Variants in SOX18 observed in about 807,000 individuals in gnomAD.
SOX18 encodes the protein transcription factor SOX-18.
A neutral mutation model predicts 9.1 loss-of-function variants in SOX18; 2 were observed. The observed-to-expected ratio is 0.22, with a 90% CI of 0.09 to 0.69. The LOEUF (loss-of-function observed/expected upper bound fraction) is 0.69, where lower values mean the gene tolerates loss of function less well. SOX18 is among the 30% of genes least tolerant of loss of function. The pLI, the probability that SOX18 is intolerant of heterozygous loss-of-function variation, is 0.80. For missense variants in SOX18, 542 were observed against 567.3 expected (o/e 0.96, Z 0.45); for synonymous variants, 292 against 280.5 (o/e 1.04, Z -0.41).
chr20:64,048,104 G>C lies in SOX18; in HGVS notation c.*62C>G, dbSNP rs2059403054. On this transcript the variant is annotated 3_prime_UTR_variant, in exon 2 of 2. Transcript: ENST00000340356. Reference sequence around the variant, plus strand: ...GAGAGAGCAGAGCGGCAGCGACGCGGTCGGATCGGTCGCGGGGGCTGCGGG... The same window carrying C: ...GAGAGAGCAGAGCGGCAGCGACGCGCTCGGATCGGTCGCGGGGGCTGCGGG... 6.9e-7 allele frequency: 1 copy of C among 1,441,942 alleles called. No individual in the cohort carries two copies. The highest frequency in any genetic ancestry group is 2.5e-5 in the East Asian group (1 of 40,422). The allele number at this position is 1,441,942 out of a possible 1,614,324, so 89.3% of individuals were successfully genotyped here.
At position 64,048,127 on chromosome 20, in the gene SOX18, G is replaced by T; in HGVS notation, c.*39C>A. 2 of 1,518,428 alleles carry T rather than the reference G, an allele frequency of 1.3e-6. No individual in the cohort carries two copies. Among genetic ancestry groups the T allele is most frequent in the Non-Finnish European group, 1.8e-6 (2 of 1,131,960 alleles). 94.1% of individuals were successfully genotyped at this position (1,518,428 alleles called of 1,614,324 possible). A position where few individuals can be genotyped will look rare whatever the true frequency, so the allele number is the denominator to read the frequency against. On this transcript the variant is annotated 3_prime_UTR_variant, in exon 2 of 2. Coordinates refer to ENST00000340356, the MANE Select transcript of SOX18 (RefSeq NM_018419.3). ...CGGTCGGATCGGTCGCGGGGGCTGCGGGAGGAAGCGCTGCAGGGACCCGGG... is the reference window on the plus strand; with the variant it reads ...CGGTCGGATCGGTCGCGGGGGCTGCTGGAGGAAGCGCTGCAGGGACCCGGG...
chr20:64,048,919 G>A lies in SOX18; in HGVS notation c.402C>T (p.Phe134=), dbSNP rs574293363. The change falls in exon 2 of 2, where the codon TTC becomes TTT. Residue 134 remains phenylalanine (F), a synonymous_variant. Coordinates refer to ENST00000340356, the MANE Select transcript of SOX18 (RefSeq NM_018419.3). ...KELNAAEKRP[F]VEEAERLRVQ... ...CGCGCAGCCGTTCGGCTTCCTCCAC[G>A]AAGGGCCGCTTCTCCGCCGCGTTCA... The A allele has an allele frequency of 1.1e-4, 174 of 1,597,002 alleles. No individual in the cohort carries two copies. The East Asian group carries it at 3.5e-3, about 32-fold the overall frequency.
Position 64,048,209 on chromosome 20 carries a change from T to C in SOX18, c.1112A>G (p.Asp371Gly). Residue 371 changes from aspartate (D) to glycine (G), a missense_variant, in exon 2 of 2, where the codon GAC (aspartate) becomes GGC (glycine). Physicochemically the swap from Asp to Gly is moderately conservative, Grantham distance 94 (BLOSUM62 -1). Coordinates refer to ENST00000340356, the MANE Select transcript of SOX18 (RefSeq NM_018419.3). ...GCTGTAATAGACCGCGCTGCTGGCG[T>C]CCGACAGCGCGGAGATCAGGCTGCT... ...EESSLISALSDASSAVYYSAC... is the reference protein window; with the variant it reads ...EESSLISALSGASSAVYYSAC... The C allele has an allele frequency of 6.3e-7, 1 of 1,576,644 alleles. No homozygotes were observed. Among genetic ancestry groups the C allele is most frequent in the Non-Finnish European group, 8.6e-7 (1 of 1,163,648 alleles).
Position 64,048,125 on chromosome 20 carries a change from G to A in SOX18, c.*41C>T, listed in dbSNP as rs1263613409. 2 of 1,516,136 alleles carry A rather than the reference G, an allele frequency of 1.3e-6. No individual in the cohort carries two copies. The highest frequency in any genetic ancestry group is 2.4e-5 in the South Asian group (2 of 83,566). 93.9% of individuals were successfully genotyped at this position (1,516,136 alleles called of 1,614,324 possible). A position where few individuals can be genotyped will look rare whatever the true frequency, so the allele number is the denominator to read the frequency against. On this transcript the variant is annotated 3_prime_UTR_variant, in exon 2 of 2. Transcript: ENST00000340356. ...CGCGGTCGGATCGGTCGCGGGGGCT[G>A]CGGGAGGAAGCGCTGCAGGGACCCG...
chr20:64,049,345 G>C lies in SOX18; in HGVS notation c.172C>G (p.Pro58Ala). The C allele has an allele frequency of 1.7e-6, 2 of 1,192,312 alleles. No individual in the cohort carries two copies. The highest frequency in any genetic ancestry group is 2.1e-6 in the Non-Finnish European group (2 of 952,298). The allele number at this position is 1,192,312 out of a possible 1,614,324, so 73.9% of individuals were successfully genotyped here. A position where few individuals can be genotyped will look rare whatever the true frequency, so the allele number is the denominator to read the frequency against. Residue 58 changes from proline to alanine, a missense_variant, in exon 1 of 2, where the codon CCC becomes GCC. Coordinates refer to ENST00000340356, the MANE Select transcript of SOX18 (RefSeq NM_018419.3). ...PASPPSPQRS[P>A]PRSPEPGRYG... ...CGCCCCGGCTCGGGGCTGCGCGGGG[G>C]ACTGCGCTGCGGGCTGGGCGGCGAG...
At chr20:64,049,112 G>A (rs767976782) in intron 1 of SOX18, 47 bp downstream of exon 1, 1 of 524,668 alleles carries the variant, frequency 1.9e-6, no homozygotes. Context: ...CCCGGCCCGA[G>A]CCCCCCCCGC....
Position 64,048,884 on chromosome 20 carries a change from A to G in SOX18, c.437T>C (p.Leu146Ser). The change falls in exon 2 of 2, where the codon TTG becomes TCG. Residue 146 changes from leucine to serine, a missense_variant. Transcript: ENST00000340356. ...GTACTTGTAGTTGGGGTGGTCGCGC[A>G]AGTGCTGCACGCGCAGCCGTTCGGC... is the stretch of plus-strand genomic sequence containing the variant. The part of the protein sequence containing the change: ...EEAERLRVQH[L>S]RDHPNYKYRP... The G allele has an allele frequency of 6.3e-7, 1 of 1,595,362 alleles. No individual in the cohort carries two copies. Among genetic ancestry groups the G allele is most frequent in the Non-Finnish European group, 8.5e-7 (1 of 1,175,600 alleles).
rs1029951113 is a variant in SOX18, at chr20:64,048,499, G to T, written c.822C>A (p.Pro274=). 2 of 1,229,646 alleles carry T rather than the reference G, an allele frequency of 1.6e-6. No individual in the cohort carries two copies. The highest frequency in any genetic ancestry group is 3.2e-5 in the African/African-American group (2 of 63,116). 76.2% of individuals were successfully genotyped at this position (1,229,646 alleles called of 1,614,324 possible). ...APLAEALRTA[P]PAAPLAGLYY... The stretch of plus-strand genomic sequence containing the variant: ...ACAGGCCAGCGAGCGGCGCCGCGGG[G>T]GGCGCGGTCCTGAGCGCCTCCGCCA... The change falls in exon 2 of 2, where the codon CCC becomes CCA. Residue 274 remains proline, a synonymous_variant. Transcript: ENST00000340356.
In SOX18 at chr20:64,048,848, C is replaced by T. The variant is rs910394260; in HGVS notation, c.473G>A (p.Arg158His). The T allele has an allele frequency of 2.5e-6, 4 of 1,583,114 alleles. No individual in the cohort carries two copies. The highest frequency in any genetic ancestry group is 3.4e-6 in the Non-Finnish European group (4 of 1,170,984). Residue 158 changes from arginine to histidine, a missense_variant, in exon 2 of 2, where the codon CGC (arginine) becomes CAC (histidine). Arg to His is a conservative substitution (Grantham distance 29). Transcript: ENST00000340356. ...CCGGGCCTTGCGCGCCTGCTTCTTG[C>T]GGCGCGGCCGGTACTTGTAGTTGGG... Reference protein sequence around the residue: ...DHPNYKYRPRRKKQARKARRL... With the variant: ...DHPNYKYRPRHKKQARKARRL...
rs965446026 is a variant in SOX18 at position 64,049,426 on chromosome 20, C to T, written c.91G>A (p.Asp31Asn). ...GGGCCGGCGGCGAGGCCGCGCGTGT[C>T]AGCGGCGGCCCCGTGTCCCGGGGCC... ...AWAPGHGAAA[D>N]TRGLAAGPAA... Residue 31 changes from aspartate (D) to asparagine (N), a missense_variant, in exon 1 of 2, where the codon GAC becomes AAC. Asp to Asn is a conservative substitution (Grantham distance 23, BLOSUM62 1). Transcript: ENST00000340356. 1.0e-6 allele frequency: 1 copy of T among 995,708 alleles called. No homozygotes were observed. The highest frequency in any genetic ancestry group is 1.2e-6 in the Non-Finnish European group (1 of 838,570). 61.7% of individuals were successfully genotyped at this position (995,708 alleles called of 1,614,324 possible). A position where few individuals can be genotyped will look rare whatever the true frequency, so the allele number is the denominator to read the frequency against.
Position 64,049,586 on chromosome 20 carries a change from C to G in SOX18, c.-70G>C, listed in dbSNP as rs2059422954. 3 of 973,280 alleles carry G rather than the reference C, an allele frequency of 3.1e-6. No individual in the cohort carries two copies. Among genetic ancestry groups the G allele is most frequent in the South Asian group, 4.6e-5 (1 of 21,596 alleles). The allele number at this position is 973,280 out of a possible 1,614,324, so 60.3% of individuals were successfully genotyped here. ...CGGGCGGGCGGCGGGCACTGGGGAG[C>G]CGGGCGCAAGGGCAGGCCAGGCCGG... is the stretch of plus-strand genomic sequence containing the variant. On this transcript the variant is annotated 5_prime_UTR_variant, in exon 1 of 2. Coordinates refer to ENST00000340356, the MANE Select transcript of SOX18 (RefSeq NM_018419.3).
chr20:64,047,966 G>C lies in SOX18; in HGVS notation c.*200C>G, dbSNP rs1336491168. 1.6e-6 allele frequency: 1 copy of C among 629,510 alleles called. No homozygotes were observed. Among genetic ancestry groups the C allele is most frequent in the Non-Finnish European group, 2.7e-6 (1 of 364,444 alleles). 39.0% of individuals were successfully genotyped at this position (629,510 alleles called of 1,614,324 possible). A position where few individuals can be genotyped will look rare whatever the true frequency, so the allele number is the denominator to read the frequency against. Reference sequence around the variant, plus strand: ...AGGCACCCTCGCAGGGGCCCCCCGAGGGCAGGTGGCCCAGAAGCCCAGGAA... The same window carrying C: ...AGGCACCCTCGCAGGGGCCCCCCGACGGCAGGTGGCCCAGAAGCCCAGGAA... On this transcript the variant is annotated 3_prime_UTR_variant, in exon 2 of 2. Transcript: ENST00000340356.
At position 64,047,807 on chromosome 20, in the gene SOX18, A is replaced by T; in HGVS notation, c.*359T>A. On this transcript the variant is annotated 3_prime_UTR_variant, in exon 2 of 2. Transcript: ENST00000340356. ...TTTTTAAAAGGGCAAAGTAAAAAATATTAATACAATCTGGTTGTAGAAAAT... is the reference window on the plus strand; with the variant it reads ...TTTTTAAAAGGGCAAAGTAAAAAATTTTAATACAATCTGGTTGTAGAAAAT... 3.4e-6 allele frequency: 1 copy of T among 290,524 alleles called. No homozygotes were observed. The allele number at this position is 290,524 out of a possible 1,614,324, so 18.0% of individuals were successfully genotyped here.
chr20:64,049,019 C>T (rs2059414702), intron 1 of SOX18, 57 bp from the exon 2 acceptor site: 2 of 1,501,262 alleles, frequency 1.3e-6, no homozygotes, highest in Non-Finnish European at 1.8e-6. Context: ...GCGCCGAGCC[C>T]TCCGTGCGCC....
In SOX18 at chr20:64,048,314, G is replaced by T; in HGVS notation, c.1007C>A (p.Thr336Asn). The T allele has an allele frequency of 6.3e-7, 1 of 1,592,594 alleles. No individual in the cohort carries two copies. Among genetic ancestry groups the T allele is most frequent in the Non-Finnish European group, 8.5e-7 (1 of 1,171,234 alleles). Residue 336 changes from threonine to asparagine, a missense_variant, in exon 2 of 2, where the codon ACT becomes AAT. Physicochemically the swap from Thr to Asn is moderately conservative, Grantham distance 65. Transcript: ENST00000340356. ...CGGGAGCCCGGGGGCGTCGGGCCGA[G>T]TCCGGCTGCAGTTGAGGTACTGGTC... ...EFDQYLNCSR[T>N]RPDAPGLPYH... is the part of the protein sequence containing the mutation.
Position 64,047,748 on chromosome 20 carries a change from T to C in SOX18, c.*418A>G, listed in dbSNP as rs2059399493. 6.2e-6 allele frequency: 1 copy of C among 162,508 alleles called. No homozygotes were observed. The highest frequency in any genetic ancestry group is 1.3e-5 in the Non-Finnish European group (1 of 75,104). The allele number at this position is 162,508 out of a possible 1,614,324, so 10.1% of individuals were successfully genotyped here. A position where few individuals can be genotyped will look rare whatever the true frequency, so the allele number is the denominator to read the frequency against. On this transcript the variant is annotated 3_prime_UTR_variant, in exon 2 of 2. Coordinates refer to ENST00000340356, the MANE Select transcript of SOX18 (RefSeq NM_018419.3). ...TTCTTGGAAGAAAAGTTTAAGAGTT[T>C]AATTAAAAATTAAATATATTGTATT...
Position 64,048,383 on chromosome 20 carries a change from C to CCCAGCGGCTCGGCGCTCT in SOX18, c.920_937dup (p.Glu307_Leu312dup). On this transcript the variant is annotated inframe_insertion, in exon 2 of 2. Coordinates refer to ENST00000340356, the MANE Select transcript of SOX18 (RefSeq NM_018419.3). ...GTCGGCCCACAGATCGGCGGCGGGC[C>CCCAGCGGCTCGGCGCTCT]CCAGCGGCTCGGCGCTCTCCAGCGG... 2 of 1,559,928 alleles carry CCCAGCGGCTCGGCGCTCT rather than the reference C, an allele frequency of 1.3e-6. No homozygotes were observed. The highest frequency in any genetic ancestry group is 1.7e-6 in the Non-Finnish European group (2 of 1,156,454).
At position 64,049,492 on chromosome 20, in the gene SOX18, C is replaced by G. The variant is rs755570056; in HGVS notation, c.25G>C (p.Gly9Arg). Reference sequence around the variant, plus strand: ...CGGGCGGGCGGGTCGTCCTGTGCGCCGTAGCCGGGCGGCGATCTCTGCATT... The same window carrying G: ...CGGGCGGGCGGGTCGTCCTGTGCGCGGTAGCCGGGCGGCGATCTCTGCATT... MQRSPPGY[G>R]AQDDPPARRD... The change falls in exon 1 of 2, where the codon GGC (glycine) becomes CGC (arginine). Residue 9 changes from glycine to arginine, a missense_variant. Transcript: ENST00000340356. The G allele has an allele frequency of 2.8e-6, 3 of 1,056,932 alleles. No homozygotes were observed. Among genetic ancestry groups the G allele is most frequent in the Non-Finnish European group, 2.3e-6 (2 of 878,512 alleles). The allele number at this position is 1,056,932 out of a possible 1,614,324, so 65.5% of individuals were successfully genotyped here.
chr20:64,048,905 T>G lies in SOX18; in HGVS notation c.416A>C (p.Glu139Ala). 1 of 1,596,906 alleles carries G rather than the reference T, an allele frequency of 6.3e-7. No homozygotes were observed. Among genetic ancestry groups the G allele is most frequent in the Non-Finnish European group, 8.5e-7 (1 of 1,176,238 alleles). The change falls in exon 2 of 2, where the codon GAA (glutamate) becomes GCA (alanine). Residue 139 changes from glutamate to alanine, a missense_variant. Transcript: ENST00000340356. ...AEKRPFVEEA[E>A]RLRVQHLRDH... ...GCGCAAGTGCTGCACGCGCAGCCGT[T>G]CGGCTTCCTCCACGAAGGGCCGCTT...
Sources: allele counts gnomAD v4.1 joint callset, GRCh38; gene constraint gnomAD v4.1.1; transcripts MANE v1.5; gene names NCBI Gene and HGNC (gene_info 2026-07-23, HGNC 2026-07-21).